The following SLCO4A1 variants were observed in gnomAD, a reference collection of about 807,000 sequenced individuals.
SLCO4A1 encodes solute carrier organic anion transporter family member 4A1, also known as colon organic anion transporter.
A neutral mutation model predicts 64.6 loss-of-function variants in SLCO4A1; 51 were observed. That is an observed-to-expected ratio of 0.79 (90% CI 0.63 to 1.00). SLCO4A1 has a LOEUF of 1.00. Among genes scored for constraint, SLCO4A1 ranks in the 50% least tolerant of loss-of-function variants. The pLI is 0.00. For missense variants in SLCO4A1, 919 were observed against 980.5 expected, an observed-to-expected ratio of 0.94 and a Z score of 0.84; for synonymous variants, 471 against 444.9, an observed-to-expected ratio of 1.06 and a Z score of -0.74.
At chr20:62,675,435 G>A (rs1987544781), downstream of SLCO4A1, among the ~76,000 whole-genome samples, 1 of 152,150 alleles carries the variant, frequency 6.6e-6, no homozygotes, top group African/African-American at 2.4e-5. Flanking sequence ...CTTGAGCTCT[G>A]CTGCCCTCGC....
intron 2 of SLCO4A1, among the ~76,000 whole-genome samples, chr20:62,678,983 C>T (rs1352491266): frequency 1.3e-5 from 2 of 152,196 alleles, no homozygotes; most frequent in Non-Finnish European, 2.9e-5. Context: ...CTTTGGGAGG[C>T]CGAGGCAGGC....
At chr20:62,663,701 G>T (rs1180078914) in intron 5 of SLCO4A1, among the ~76,000 whole-genome samples, 1 of 152,072 alleles carries the variant, frequency 6.6e-6, no homozygotes, top group Non-Finnish European at 1.5e-5. Flanking sequence ...GGGGGAGAAG[G>T]GTCACGCACA....
rs149224680 is a variant in SLCO4A1 at position 62,660,412 on chromosome 20, G to T, written c.888G>T (p.Arg296=). ...LLNIYTEMGR[R]TELTTESPLW... The stretch of plus-strand genomic sequence containing the variant: ...CCAGGTGCCACTGCCTCTTCCACAG[G>T]ACGGAGCTGACCACCGAGAGCCCAC... The change falls in exon 4 of 12, where the codon CGG becomes CGT. Residue 296 remains arginine, a splice_region_variant and synonymous_variant. Coordinates refer to ENST00000217159, the MANE Select transcript of SLCO4A1 (RefSeq NM_016354.4). 14 of 1,578,458 alleles carry T rather than the reference G, an allele frequency of 8.9e-6. No homozygotes were observed. In the African/African-American group the frequency reaches 2.1e-4, roughly 23 times the overall value.
intron 11 of SLCO4A1, among the ~76,000 whole-genome samples, chr20:62,670,525 A>C (rs1055777358): frequency 1.3e-5 from 2 of 152,240 alleles, no homozygotes; most frequent in African/African-American, 4.8e-5. Context: ...TTCAGCGAGA[A>C]GGTGTAGTTC....
intron 1 of SLCO4A1, among the ~76,000 whole-genome samples, chr20:62,654,432 C>T (rs1983261084): frequency 6.6e-6 from 1 of 151,884 alleles, no homozygotes; most frequent in Non-Finnish European, 1.5e-5. Context: ...AGTGAGCAGA[C>T]TCTGTGAGGA....
rs1383778399 is a variant in SLCO4A1, at chr20:62,656,385, TGGCCACTCCCGCTGA to T, written c.-59_-45del. 7 of 1,349,452 alleles carry T rather than the reference TGGCCACTCCCGCTGA, an allele frequency of 5.2e-6. No individual in the cohort carries two copies. The highest frequency in any genetic ancestry group is 3.0e-5 in the South Asian group (2 of 66,826). The allele number at this position is 1,349,452 out of a possible 1,614,324, so 83.6% of individuals were successfully genotyped here. A position where few individuals can be genotyped will look rare whatever the true frequency, so the allele number is the denominator to read the frequency against. On this transcript the variant is annotated 5_prime_UTR_variant, in exon 2 of 12. Coordinates refer to ENST00000217159, the MANE Select transcript of SLCO4A1 (RefSeq NM_016354.4). ...ACACACCAGCCCCTCGGATACCACT[TGGCCACTCCCGCTGA>T]GGCCACTCCCACTGCGTGGCTGAAG...
chr20:62,681,006 G>A (rs1405929088), intron 2 of SLCO4A1, among the ~76,000 whole-genome samples: 1 of 152,110 alleles, frequency 6.6e-6, no homozygotes, highest in East Asian at 1.9e-4. Context: ...CCCAGGCTCA[G>A]GGCTCAGCTG....
At chr20:62,673,965 G>A (rs1352888808), downstream of SLCO4A1, among the ~76,000 whole-genome samples, 5 of 152,218 alleles carry the variant, frequency 3.3e-5, no homozygotes, top group South Asian at 4.1e-4. Flanking sequence ...GTCCTTTGCC[G>A]CTCACCTGTT....
chr20:62,689,348 G>A (rs1440268998), downstream of SLCO4A1, among the ~76,000 whole-genome samples: 1 of 130,236 alleles, frequency 7.7e-6, no homozygotes, highest in Non-Finnish European at 1.7e-5. Context: ...TGTCTCTTGG[G>A]CAGAGTGGCT....
intron 5 of SLCO4A1, among the ~76,000 whole-genome samples, chr20:62,662,149 G>A (rs1985076423): frequency 6.6e-6 from 1 of 152,166 alleles, no homozygotes; most frequent in Admixed American, 6.5e-5. Flanking sequence ...AGGGCCAAAG[G>A]TGGCCCCTCA....
chr20:62,671,688 A>G (rs1184116911), intron 11 of SLCO4A1, 62 bp from the exon 12 acceptor site: 1 of 1,516,018 alleles, frequency 6.6e-7, no homozygotes, highest in Non-Finnish European at 9.0e-7. Flanking sequence ...GGACAGGCCC[A>G]CCAGTATCCA....
At chr20:62,662,528 A>C (rs1167386420) in intron 5 of SLCO4A1, among the ~76,000 whole-genome samples, 1 of 152,234 alleles carries the variant, frequency 6.6e-6, no homozygotes, top group Admixed American at 6.5e-5. Context: ...GGGAAGAAAT[A>C]AATCATGGGA....
rs1264479170 is a variant in SLCO4A1 at position 62,660,489 on chromosome 20, T to G, written c.965T>G (p.Phe322Cys). The change falls in exon 4 of 12, where the codon TTC becomes TGC. Residue 322 changes from phenylalanine to cysteine, a missense_variant. Physicochemically the swap from Phe to Cys is radical, Grantham distance 205. Coordinates refer to ENST00000217159, the MANE Select transcript of SLCO4A1 (RefSeq NM_016354.4). ...TTCCTGGGCTCTGGGGCCGCTGCTT[T>G]CTTCACCGCCGTTCCCATCCTTGGT... The part of the protein sequence containing the change: ...VGFLGSGAAA[F>C]FTAVPILGYP... 6 of 1,604,918 alleles carry G rather than the reference T, an allele frequency of 3.7e-6. 1 individual carries two copies. The highest frequency in any genetic ancestry group is 1.3e-5 in the African/African-American group (1 of 74,860).
downstream of SLCO4A1, among the ~76,000 whole-genome samples, chr20:62,675,000 G>A (rs1427219488): frequency 1.3e-5 from 2 of 152,200 alleles, no homozygotes; most frequent in Non-Finnish European, 2.9e-5. Context: ...GGAGGCTGTA[G>A]AGTTTCGACT....
At chr20:62,674,306 C>T (rs551638286), downstream of SLCO4A1, among the ~76,000 whole-genome samples, 3 of 152,278 alleles carry the variant, frequency 2.0e-5, no homozygotes, top group East Asian at 1.9e-4. Context: ...CCATGGGGCC[C>T]TCGGGGAGAC....
chr20:62,669,140 T>C (rs944213894), intron 11 of SLCO4A1, 62 bp downstream of exon 11: 2 of 1,519,552 alleles, frequency 1.3e-6, no homozygotes, highest in African/African-American at 2.7e-5. Flanking sequence ...GCTCCGAACA[T>C]GCCGCGATCT....
downstream of SLCO4A1, among the ~76,000 whole-genome samples, chr20:62,676,462 G>A (rs1333675140): frequency 6.6e-6 from 1 of 152,108 alleles, no homozygotes; most frequent in African/African-American, 2.4e-5. Flanking sequence ...ACAATGAAAG[G>A]ATGATCCAAT....
intron 1 of SLCO4A1, among the ~76,000 whole-genome samples, chr20:62,647,075 T>A (rs1981481390): frequency 6.6e-6 from 1 of 152,216 alleles, no homozygotes; most frequent in Admixed American, 6.5e-5. Flanking sequence ...CTGTGCGAGG[T>A]CACCAGGTAT....
rs769464361 is a variant in SLCO4A1 at position 62,657,016 on chromosome 20, G to A, written c.562G>A (p.Ala188Thr). The A allele has an allele frequency of 2.8e-5, 45 of 1,582,748 alleles. No individual in the cohort carries two copies. Among genetic ancestry groups the A allele is most frequent in the Admixed American group, 1.4e-4 (8 of 59,160 alleles). ...TATGGGCACGGGGTCGCTGGTGTTC[G>A]CGCTGCCCCACTTCACGGCTGGCCG... ...LLMGTGSLVF[A>T]LPHFTAGRYE... Residue 188 changes from alanine (A) to threonine (T), a missense_variant, in exon 2 of 12, where the codon GCG (alanine) becomes ACG (threonine). By Grantham distance (58) the Ala-to-Thr change is moderately conservative (BLOSUM62 0). Coordinates refer to ENST00000217159, the MANE Select transcript of SLCO4A1 (RefSeq NM_016354.4).
Sources: gnomAD v4.1 joint callset for allele counts (sites outside exome capture counted in the v4.1 genomes callset) on GRCh38, gnomAD v4.1.1 for gene constraint, MANE v1.5 for transcripts, NCBI Gene and HGNC (gene_info 2026-07-23, HGNC 2026-07-21) for gene names.